Variants in ROBO1 observed in about 807,000 individuals in gnomAD.
The protein encoded by ROBO1 is roundabout homolog 1.
Under a neutral mutation model 195.9 loss-of-function variants are expected in ROBO1, and 149 were observed. The ratio of observed to expected loss-of-function variants is 0.76; its 90% CI spans 0.67 to 0.87. ROBO1 has a LOEUF of 0.87. ROBO1 is among the 40% of genes least tolerant of loss of function. The probability of loss-of-function intolerance (pLI) is 0.00; values close to 1 mark genes in which losing one functional copy is unlikely to be tolerated. For missense variants in ROBO1, 1,933 were observed against 2,068.3 expected, an observed-to-expected ratio of 0.93 and a Z score of 1.27; for synonymous variants, 816 against 733.2, an observed-to-expected ratio of 1.11 and a Z score of -1.82.
rs1706685963 is a variant in ROBO1 at position 78,651,912 on chromosome 3, C to A, written c.2632G>T (p.Val878Leu). 2.5e-6 allele frequency: 4 copies of A among 1,612,648 alleles called. No individual in the cohort carries two copies. In the South Asian group the frequency reaches 4.4e-5, roughly 18 times the overall value. ...FIQLDAHGNPVSPEDQVSLAQ... is the reference protein window; with the variant it reads ...FIQLDAHGNPLSPEDQVSLAQ... ...AGGCTGACTTGGTCCTCAGGTGACA[C>A]AGGGTTTCCATGGGCATCTGAAAAG... The change falls in exon 19 of 31, where the codon GTG becomes TTG. Residue 878 changes from valine to leucine, a missense_variant. Transcript: ENST00000464233.
intron 2 of ROBO1, among the ~76,000 whole-genome samples, chr3:79,141,761 T>C (rs7631687): frequency 0.73 from 111,028 of 151,902 alleles, 40,737 homozygotes; most frequent in African/African-American, 0.8. Flanking sequence ...TTTCAGTTTA[T>C]TTGGCTCACA....
At chr3:78,987,826 G>A (rs563344192) in intron 3 of ROBO1, among the ~76,000 whole-genome samples, 1 of 152,160 alleles carries the variant, frequency 6.6e-6, no homozygotes, top group Non-Finnish European at 1.5e-5. Context: ...TTACCCTGAT[G>A]CGATTATTAC....
At chr3:78,706,493 C>T (rs571597852) in intron 8 of ROBO1, among the ~76,000 whole-genome samples, 24 of 151,970 alleles carry the variant, frequency 1.6e-4, no homozygotes, top group African/African-American at 5.3e-4. Flanking sequence ...TCTTAAAACT[C>T]TTTTTTAAAA....
intron 2 of ROBO1, among the ~76,000 whole-genome samples, chr3:79,525,718 G>T (rs1389683442): frequency 6.6e-6 from 1 of 150,666 alleles, no homozygotes; most frequent in Non-Finnish European, 1.5e-5. Context: ...CAATTCTCCT[G>T]CCTCAGCCTC....
At chr3:78,862,279 A>G (rs1188357713) in intron 4 of ROBO1, among the ~76,000 whole-genome samples, 1 of 152,164 alleles carries the variant, frequency 6.6e-6, no homozygotes, top group East Asian at 1.9e-4. Context: ...TTTAGGGAGA[A>G]AAGACCAGCC....
At chr3:79,428,986 A>G (rs2107007523) in intron 2 of ROBO1, among the ~76,000 whole-genome samples, 1 of 152,286 alleles carries the variant, frequency 6.6e-6, no homozygotes, top group Admixed American at 6.5e-5. Context: ...AGGGACATAA[A>G]GGAACCTTTG....
At chr3:79,698,439 C>T (rs1947511262) in intron 1 of ROBO1, among the ~76,000 whole-genome samples, 1 of 151,220 alleles carries the variant, frequency 6.6e-6, no homozygotes, top group Non-Finnish European at 1.5e-5. Context: ...ACAGATTCAC[C>T]TCTTTTAATT....
intron 4 of ROBO1, among the ~76,000 whole-genome samples, chr3:78,758,285 G>A (rs565052515): frequency 5.8e-4 from 89 of 152,226 alleles, no homozygotes; most frequent in Admixed American, 7.2e-4. Flanking sequence ...TTGGGAGGCC[G>A]AGGCAGGAGG....
At chr3:78,627,132 A>T (rs1704847647) in intron 26 of ROBO1, among the ~76,000 whole-genome samples, 189 bp downstream of exon 26, 1 of 152,192 alleles carries the variant, frequency 6.6e-6, no homozygotes, top group African/African-American at 2.4e-5. Context: ...GTTCACTAGG[A>T]TCAATTAATC....
At chr3:79,095,444 A>T (rs775750866) in intron 3 of ROBO1, among the ~76,000 whole-genome samples, 1 of 151,974 alleles carries the variant, frequency 6.6e-6, no homozygotes, top group Non-Finnish European at 1.5e-5. Context: ...GTTTCAAAAA[A>T]CTGAGACGAC....
chr3:79,071,743 C>CACAT lies in ROBO1; in HGVS notation c.172+53712_172+53713insATGT, dbSNP rs1223963409. ...GCACATGCACACACACACACACGCA[C>CACAT]ACACACACACACACACTGTGACTGT... On this transcript the variant is annotated intron_variant, in intron 3 of 30. Transcript: ENST00000464233. 3.3e-3 allele frequency among the ~76,000 whole-genome samples: 502 copies of CACAT among 151,364 alleles called. 4 individuals are homozygous for CACAT. Among genetic ancestry groups the CACAT allele is most frequent in the African/African-American group, 0.011 (462 of 41,280 alleles).
chr3:79,006,922 T>C (rs2108176744), intron 3 of ROBO1, among the ~76,000 whole-genome samples: 1 of 152,120 alleles, frequency 6.6e-6, no homozygotes, highest in East Asian at 1.9e-4. Context: ...CATCCCAGGA[T>C]ACCAAGGGAA....
At position 78,656,214 on chromosome 3, in the gene ROBO1, A is replaced by G. The variant is rs1048732301; in HGVS notation, c.2614+884T>C. On this transcript the variant is annotated intron_variant, in intron 18 of 30. Transcript: ENST00000464233. ...TATAAACATATTCCAATACTCTTTGACATCTCAATCTACCTTTTGTTATAA... is the reference window on the plus strand; with the variant it reads ...TATAAACATATTCCAATACTCTTTGGCATCTCAATCTACCTTTTGTTATAA... Among the ~76,000 whole-genome samples the G allele has an allele frequency of 2.6e-5, 4 of 152,194 alleles. No homozygotes were observed. In the South Asian group the frequency reaches 8.3e-4, roughly 32 times the overall value.
intron 21 of ROBO1, among the ~76,000 whole-genome samples, chr3:78,644,910 A>C (rs1191398400): frequency 2.6e-5 from 4 of 152,194 alleles, no homozygotes; most frequent in Non-Finnish European, 5.9e-5. Context: ...ATACACATGT[A>C]ATGAAGTGGT....
At chr3:78,805,568 A>C (rs1271917783) in intron 4 of ROBO1, among the ~76,000 whole-genome samples, 1 of 152,024 alleles carries the variant, frequency 6.6e-6, no homozygotes, top group Non-Finnish European at 1.5e-5. Context: ...AGAGTTTGAA[A>C]ATAAAATAAT....
At chr3:79,619,446 C>T (rs1944933058) in intron 1 of ROBO1, among the ~76,000 whole-genome samples, 1 of 152,138 alleles carries the variant, frequency 6.6e-6, no homozygotes, top group East Asian at 1.9e-4. Flanking sequence ...GCTTGGCCCC[C>T]ATACATACTC....
chr3:78,633,171 C>CTGT (rs1705283255), intron 24 of ROBO1, among the ~76,000 whole-genome samples: 2 of 152,166 alleles, frequency 1.3e-5, no homozygotes, highest in African/African-American at 2.4e-5. Context: ...GCATTTCTAC[C>CTGT]CTCTCCTGGA....
intron 8 of ROBO1, among the ~76,000 whole-genome samples, chr3:78,690,438 A>T (rs1248585563): frequency 6.6e-6 from 1 of 152,092 alleles, no homozygotes; most frequent in Non-Finnish European, 1.5e-5. Context: ...ATTTGGTAAC[A>T]CTGAAGTTCT....
intron 28 of ROBO1, among the ~76,000 whole-genome samples, chr3:78,610,727 A>C (rs1359004326): frequency 3.3e-5 from 5 of 152,166 alleles, no homozygotes; most frequent in South Asian, 2.1e-4. Flanking sequence ...ACAAGTTAAA[A>C]AGAGAAGAGA....
Sources: gnomAD v4.1 joint callset for allele counts (sites outside exome capture counted in the v4.1 genomes callset) on GRCh38, gnomAD v4.1.1 for gene constraint, MANE v1.5 for transcripts, NCBI Gene and HGNC (gene_info 2026-07-23, HGNC 2026-07-21) for gene names.